The following PTPRD variants were observed in gnomAD, a reference collection of about 807,000 sequenced individuals.
The protein encoded by PTPRD is receptor-type tyrosine-protein phosphatase delta.
In PTPRD, 34 loss-of-function variants were observed where a neutral mutation model predicts 214.5. That is an observed-to-expected ratio of 0.16 (90% CI 0.12 to 0.21). The LOEUF (loss-of-function observed/expected upper bound fraction) is 0.21. Among genes scored for constraint, PTPRD ranks in the 10% least tolerant of loss-of-function variants. The pLI is 1.00. For missense variants in PTPRD, 2,545 were observed against 2,398.7 expected (o/e 1.06, Z -1.27); for synonymous variants, 1,128 against 845.7 (o/e 1.33, Z -5.79).
intron 10 of PTPRD, among the ~76,000 whole-genome samples, chr9:9,065,577 A>T (rs1039415510): frequency 1.3e-5 from 2 of 152,196 alleles, no homozygotes; most frequent in Admixed American, 6.5e-5. Context: ...CAGAAAAGTG[A>T]CAATATCTGA....
At chr9:9,797,165 TA>T (rs1306347844) in intron 5 of PTPRD, among the ~76,000 whole-genome samples, 3 of 148,534 alleles carry the variant, frequency 2.0e-5, no homozygotes, top group African/African-American at 7.4e-5. Flanking sequence ...TAGCTTAATT[TA>T]AAAAAATACA....
chr9:9,454,943 T>C (rs913708947), intron 8 of PTPRD, among the ~76,000 whole-genome samples: 3 of 151,712 alleles, frequency 2.0e-5, no homozygotes, highest in African/African-American at 7.2e-5. Context: ...TGTATAATCA[T>C]GGCCCAAGTG....
chr9:10,330,920 C>A (rs1239111732), intron 3 of PTPRD, among the ~76,000 whole-genome samples: 1 of 151,830 alleles, frequency 6.6e-6, no homozygotes, highest in African/African-American at 2.4e-5. Context: ...TCTATACCAT[C>A]AATATTGGTG....
chr9:8,472,805 G>C (rs1348045385), intron 30 of PTPRD, among the ~76,000 whole-genome samples: 3 of 152,142 alleles, frequency 2.0e-5, no homozygotes, highest in Middle Eastern at 3.4e-3. Flanking sequence ...CATTATATTT[G>C]CTGGACGGCA....
In PTPRD at chr9:10,221,657, T is replaced by G. The variant is rs113091431; in HGVS notation, c.-545+119306A>C. Among the ~76,000 whole-genome samples, 1,472 of 152,152 alleles carry G rather than the reference T, an allele frequency of 9.7e-3. 22 individuals carry two copies. The highest frequency in any genetic ancestry group is 0.012 in the Non-Finnish European group (813 of 67,954). On this transcript the variant is annotated intron_variant, in intron 3 of 45. Transcript: ENST00000381196. ...GTTGAGGGATTTCTCCCTTCTGGTG[T>G]GTATAAATAGATGTATTTTTAAGAA...
At chr9:8,885,536 A>T (rs2154227921) in intron 11 of PTPRD, among the ~76,000 whole-genome samples, 1 of 120,302 alleles carries the variant, frequency 8.3e-6, no homozygotes, top group South Asian at 2.6e-4. Flanking sequence ...CGCTCTTGTC[A>T]CCCAGGCTGG....
chr9:9,840,211 C>T (rs10122671), intron 5 of PTPRD, among the ~76,000 whole-genome samples: 12,853 of 151,718 alleles, frequency 0.085, 1,118 homozygotes, highest in African/African-American at 0.23. Context: ...CTAATTTTTG[C>T]ATTTTTTGTA....
chr9:9,484,342 G>C (rs1052083188), intron 8 of PTPRD, among the ~76,000 whole-genome samples: 1 of 152,020 alleles, frequency 6.6e-6, no homozygotes, highest in Non-Finnish European at 1.5e-5. Context: ...TGAACTCCAA[G>C]AATAGACATG....
intron 4 of PTPRD, among the ~76,000 whole-genome samples, chr9:9,980,635 C>CA (rs1172955634): frequency 5.3e-4 from 18 of 34,030 alleles, no homozygotes; most frequent in East Asian, 3.1e-3. Flanking sequence ...AAAAAAAAAA[C>CA]AAAAAAAAAA....
chr9:8,600,807 G>A (rs1215394729), intron 14 of PTPRD, among the ~76,000 whole-genome samples: 2 of 151,926 alleles, frequency 1.3e-5, no homozygotes, highest in Admixed American at 1.3e-4. Context: ...AACACATGCT[G>A]GTTTCAGGTG....
intron 39 of PTPRD, among the ~76,000 whole-genome samples, chr9:8,374,745 G>A (rs1007723346): frequency 1.3e-5 from 2 of 151,954 alleles, no homozygotes; most frequent in Non-Finnish European, 2.9e-5. Context: ...ACAAGGTAAT[G>A]TTATTACTAG....
At chr9:8,487,105 G>A (rs938300299) in intron 27 of PTPRD, among the ~76,000 whole-genome samples, 8 of 151,966 alleles carry the variant, frequency 5.3e-5, no homozygotes, top group Admixed American at 1.3e-4. Context: ...CTGTAAAATG[G>A]GAATTATATT....
intron 11 of PTPRD, among the ~76,000 whole-genome samples, chr9:8,743,968 G>T (rs552716160): frequency 6.6e-6 from 1 of 151,550 alleles, no homozygotes; most frequent in South Asian, 2.1e-4. Context: ...TCCAAAAGTG[G>T]GCTAAGGATA....
intron 3 of PTPRD, among the ~76,000 whole-genome samples, chr9:10,141,397 G>A (rs2098984031): frequency 6.6e-6 from 1 of 152,080 alleles, no homozygotes; most frequent in Non-Finnish European, 1.5e-5. Context: ...AGCAACTTCA[G>A]CAAAGTCTCA....
chr9:8,497,265 C>T lies in PTPRD; in HGVS notation c.2326G>A (p.Glu776Lys), dbSNP rs1270795879. ...KDVMLADAQW[E>K]FDDTTEHDMI... ...ACATGTTCAGTAGTATCATCAAATTCCCACTGATTGAGAATAAGAAGGTTG... is the reference window on the plus strand; with the variant it reads ...ACATGTTCAGTAGTATCATCAAATTTCCACTGATTGAGAATAAGAAGGTTG... Residue 776 changes from glutamate (E) to lysine (K), a missense_variant, in exon 26 of 46, where the codon GAA (glutamate) becomes AAA (lysine). Physicochemically the swap from Glu to Lys is moderately conservative, Grantham distance 56. Coordinates refer to ENST00000381196, the MANE Select transcript of PTPRD (RefSeq NM_002839.4). 3.8e-6 allele frequency: 6 copies of T among 1,594,402 alleles called. No individual in the cohort carries two copies. Among genetic ancestry groups the T allele is most frequent in the South Asian group, 3.5e-5 (3 of 86,448 alleles).
At chr9:8,401,621 A>G (rs1564555705) in intron 36 of PTPRD, among the ~76,000 whole-genome samples, 1 of 152,168 alleles carries the variant, frequency 6.6e-6, no homozygotes, top group South Asian at 2.1e-4. Context: ...AAAAAGTTCA[A>G]TAAGCACATT....
At chr9:8,462,504 G>A (rs2096440888) in intron 32 of PTPRD, among the ~76,000 whole-genome samples, 1 of 152,000 alleles carries the variant, frequency 6.6e-6, no homozygotes, top group African/African-American at 2.4e-5. Context: ...AACTTAGCAT[G>A]GTTCTCAAGG....
chr9:8,500,868 A>G lies in PTPRD; in HGVS notation c.2014T>C (p.Tyr672His), dbSNP rs552513827. 6.2e-7 allele frequency: 1 copy of G among 1,614,126 alleles called. No individual in the cohort carries two copies. The highest frequency in any genetic ancestry group is 1.7e-5 in the Admixed American group (1 of 60,024). ...ILGIPSDTTK[Y>H]LLEQLEKWTE... ...CATTTTTCCAGCTGTTCCAAAAGGTATTTGGTAGTGTCCGAAGGAATTCCC... is the reference window on the plus strand; with the variant it reads ...CATTTTTCCAGCTGTTCCAAAAGGTGTTTGGTAGTGTCCGAAGGAATTCCC... Residue 672 changes from tyrosine (Y) to histidine (H), a missense_variant, in exon 24 of 46, where the codon TAC becomes CAC. By Grantham distance (83) the Tyr-to-His change is moderately conservative. Coordinates refer to ENST00000381196, the MANE Select transcript of PTPRD (RefSeq NM_002839.4).
chr9:10,183,844 A>G (rs1409502805), intron 3 of PTPRD, among the ~76,000 whole-genome samples: 1 of 152,210 alleles, frequency 6.6e-6, no homozygotes, highest in African/African-American at 2.4e-5. Flanking sequence ...GCCAATGCAT[A>G]TTAAAAAGTA....
Sources: gnomAD v4.1 joint callset for allele counts (sites outside exome capture counted in the v4.1 genomes callset) on GRCh38, gnomAD v4.1.1 for gene constraint, MANE v1.5 for transcripts, NCBI Gene and HGNC (gene_info 2026-07-23, HGNC 2026-07-21) for gene names.